FAM171A1: variants seen among roughly 807,000 people sequenced by gnomAD.
FAM171A1 encodes the protein protein FAM171A1.
A neutral mutation model predicts 74.9 loss-of-function variants in FAM171A1; 23 were observed. That is an observed-to-expected ratio of 0.31 (90% CI 0.22 to 0.44). The LOEUF is 0.44. Among genes scored for constraint, FAM171A1 ranks in the 20% least tolerant of loss-of-function variants. FAM171A1 has a pLI of 1.00. For synonymous variants in FAM171A1, 527 were observed against 505.7 expected (o/e 1.04, Z -0.57); for missense variants, 1,162 against 1,159.2 (o/e 1.00, Z -0.03).
intron 5 of FAM171A1, among the ~76,000 whole-genome samples, chr10:15,243,737 T>C (rs1438233077): frequency 9.2e-5 from 14 of 152,174 alleles, no homozygotes; most frequent in Non-Finnish European, 1.5e-5. Context: ...TTAAACATCA[T>C]CCTTTTATAA....
intron 1 of FAM171A1, among the ~76,000 whole-genome samples, chr10:15,287,668 G>C (rs1420213968): frequency 6.6e-6 from 1 of 152,174 alleles, no homozygotes; most frequent in Non-Finnish European, 1.5e-5. Flanking sequence ...TTACAGGCGT[G>C]AGCCACCGTG....
At chr10:15,283,785 A>G in intron 2 of FAM171A1, 93 bp downstream of exon 2, 6 of 1,255,620 alleles carry the variant, frequency 4.8e-6, no homozygotes, top group Non-Finnish European at 5.7e-6. Context: ...CAGTCTCACT[A>G]TGTTGCCCAA....
At chr10:15,274,713 G>T (rs561351247) in intron 3 of FAM171A1, among the ~76,000 whole-genome samples, 1 of 152,214 alleles carries the variant, frequency 6.6e-6, no homozygotes, top group South Asian at 2.1e-4. Context: ...ACAGAACAGA[G>T]CCCTTAGAAA....
Position 15,220,927 on chromosome 10 carries a change from T to A in FAM171A1, c.871+17A>T, listed in dbSNP as rs1588494735. Reference sequence around the variant, plus strand: ...AGCAACTGATCCGCATCATCGCAAGTGTTGGCTCCGTGTTACCTGGGATGG... The same window carrying A: ...AGCAACTGATCCGCATCATCGCAAGAGTTGGCTCCGTGTTACCTGGGATGG... On this transcript the variant is annotated intron_variant, in intron 6 of 7. Transcript: ENST00000378116. The A allele has an allele frequency of 6.3e-7, 1 of 1,591,334 alleles. No individual in the cohort carries two copies. The highest frequency in any genetic ancestry group is 8.6e-7 in the Non-Finnish European group (1 of 1,160,482).
At chr10:15,290,965 C>T (rs563586479) in intron 1 of FAM171A1, among the ~76,000 whole-genome samples, 1 of 152,312 alleles carries the variant, frequency 6.6e-6, no homozygotes, top group African/African-American at 2.4e-5. Context: ...ATCCTCTCAC[C>T]TCAGCATCCC....
chr10:15,303,524 G>C (rs1835257967), intron 1 of FAM171A1, among the ~76,000 whole-genome samples: 1 of 152,120 alleles, frequency 6.6e-6, no homozygotes, highest in African/African-American at 2.4e-5. Context: ...TGTCAATACA[G>C]GGGGCTTGAC....
intron 1 of FAM171A1, among the ~76,000 whole-genome samples, chr10:15,345,575 C>T (rs140602110): frequency 1.3e-5 from 2 of 152,246 alleles, no homozygotes; most frequent in African/African-American, 4.8e-5. Context: ...AGACAACAGC[C>T]ACTGCACAGG....
chr10:15,244,430 G>A (rs1399701600), intron 5 of FAM171A1, among the ~76,000 whole-genome samples: 3 of 152,158 alleles, frequency 2.0e-5, no homozygotes, highest in Admixed American at 2.0e-4. Context: ...GAGGTGGGAG[G>A]ATTGCTTCAG....
chr10:15,310,527 C>T (rs1023616890), intron 1 of FAM171A1, among the ~76,000 whole-genome samples: 2 of 152,158 alleles, frequency 1.3e-5, no homozygotes, highest in African/African-American at 4.8e-5. Flanking sequence ...AATGTTCTCT[C>T]CAACTGACCC....
intron 1 of FAM171A1, among the ~76,000 whole-genome samples, chr10:15,290,647 C>T (rs1444591808): frequency 6.6e-6 from 1 of 152,040 alleles, no homozygotes; most frequent in African/African-American, 2.4e-5. Flanking sequence ...AAGAAGTGCC[C>T]CAAGGAAAAC....
intron 3 of FAM171A1, among the ~76,000 whole-genome samples, chr10:15,267,090 T>C (rs1222106814): frequency 6.6e-6 from 1 of 152,134 alleles, no homozygotes; most frequent in East Asian, 1.9e-4. Context: ...CCTTCCGAAA[T>C]CTGGCTCCAA....
intron 3 of FAM171A1, among the ~76,000 whole-genome samples, chr10:15,263,877 ATCTAT>A (rs1482844789): frequency 3.3e-5 from 5 of 150,622 alleles, no homozygotes; most frequent in Non-Finnish European, 7.4e-5. Flanking sequence ...CTATCTATCT[ATCTAT>A]CTATCTATCT....
At chr10:15,254,470 A>G (rs768267368) in intron 4 of FAM171A1, among the ~76,000 whole-genome samples, 1 of 152,242 alleles carries the variant, frequency 6.6e-6, no homozygotes, top group Non-Finnish European at 1.5e-5. Flanking sequence ...AGGAGAGCTC[A>G]GAGAAGGTGC....
At chr10:15,301,639 T>G (rs944064132) in intron 1 of FAM171A1, among the ~76,000 whole-genome samples, 35 of 152,324 alleles carry the variant, frequency 2.3e-4, no homozygotes, top group African/African-American at 8.4e-4. Context: ...TCCTATAAAG[T>G]AAGCTGTTGC....
rs1564616847 is a variant in FAM171A1 at position 15,229,786 on chromosome 10, CCACCATCACCATCATCACCAT to C, written c.755-8747_755-8727del. Among the ~76,000 whole-genome samples the C allele has an allele frequency of 5.3e-3, 52 of 9,784 alleles. 4 individuals carry two copies. Among genetic ancestry groups the C allele is most frequent in the Middle Eastern group, 0.029 (1 of 34 alleles). The allele number at this position is 9,784 out of a possible 152,430, so 6.4% of individuals were successfully genotyped here. On this transcript the variant is annotated intron_variant, in intron 5 of 7. Coordinates refer to ENST00000378116, the MANE Select transcript of FAM171A1 (RefSeq NM_001010924.2). ...ACCACCATCACCATCATCACCATCA[CCACCATCACCATCATCACCAT>C]CACCACCACCATCACCATCATCATC...
At chr10:15,308,437 G>A (rs1371462337) in intron 1 of FAM171A1, among the ~76,000 whole-genome samples, 5 of 152,124 alleles carry the variant, frequency 3.3e-5, no homozygotes, top group African/African-American at 9.7e-5. Context: ...CGAACAGCTC[G>A]GACATCTTAT....
At chr10:15,220,005 G>T (rs1834017268) in intron 6 of FAM171A1, among the ~76,000 whole-genome samples, 1 of 152,196 alleles carries the variant, frequency 6.6e-6, no homozygotes, top group South Asian at 2.1e-4. Flanking sequence ...CAGTTACTTT[G>T]TGAGTCTAAG....
At chr10:15,284,957 G>T (rs1554836308) in intron 1 of FAM171A1, among the ~76,000 whole-genome samples, 3 of 150,924 alleles carry the variant, frequency 2.0e-5, no homozygotes, top group African/African-American at 7.3e-5. Flanking sequence ...GCAAACGTTT[G>T]AAAAGACAGA....
chr10:15,216,118 G>T lies in FAM171A1; in HGVS notation c.872-8C>A, dbSNP rs142266275. On this transcript the variant is annotated splice_polypyrimidine_tract_variant and splice_region_variant and intron_variant, in intron 6 of 7. Transcript: ENST00000378116. The stretch of plus-strand genomic sequence containing the variant: ...CCTGTGTTACAACGGGACCTAGAAG[G>T]TCAGAAAATGGCATTTAGAGTTTTG... 6 of 1,557,176 alleles carry T rather than the reference G, an allele frequency of 3.9e-6. No individual in the cohort carries two copies. The highest frequency in any genetic ancestry group is 4.5e-5 in the East Asian group (2 of 44,448).
Sources: gnomAD v4.1 joint callset for allele counts (sites outside exome capture counted in the v4.1 genomes callset) on GRCh38, gnomAD v4.1.1 for gene constraint, MANE v1.5 for transcripts, NCBI Gene and HGNC (gene_info 2026-07-23, HGNC 2026-07-21) for gene names.